The following SEL1L3 variants were observed in gnomAD, a reference collection of about 807,000 sequenced individuals.
SEL1L3 encodes protein sel-1 homolog 3.
A neutral mutation model predicts 142.8 loss-of-function variants in SEL1L3; 76 were observed. That is an observed-to-expected ratio of 0.53 (90% CI 0.44 to 0.64). The LOEUF (loss-of-function observed/expected upper bound fraction) is 0.64. Ranked by LOEUF, SEL1L3 falls within the 30% of genes least tolerant of loss-of-function variation. SEL1L3 has a pLI of 0.00. For synonymous variants in SEL1L3, 504 were observed against 519.6 expected (o/e 0.97, Z 0.41); for missense variants, 1,262 against 1,381.7 (o/e 0.91, Z 1.37).
At chr4:25,828,811 C>T (rs1715258985) in intron 6 of SEL1L3, among the ~76,000 whole-genome samples, 1 of 152,130 alleles carries the variant, frequency 6.6e-6, no homozygotes, top group Non-Finnish European at 1.5e-5. Context: ...CGGGACTCTG[C>T]GTATCCCCAG....
intron 23 of SEL1L3, chr4:25,756,240 C>A: frequency 1.0e-6 from 1 of 985,280 alleles, no homozygotes. Flanking sequence ...TGTAGCCGTC[C>A]GAGATGGTAA....
chr4:25,766,674 A>G lies in SEL1L3; in HGVS notation c.2845+851T>C, dbSNP rs147692907. Reference sequence around the variant, plus strand: ...GTGCCTGTGATGTTACCAGAGACCCAGAGCCTGGTGCTGAGATCAAAGAGG... The same window carrying G: ...GTGCCTGTGATGTTACCAGAGACCCGGAGCCTGGTGCTGAGATCAAAGAGG... On this transcript the variant is annotated intron_variant, in intron 19 of 23. Transcript: ENST00000399878. 2.0e-3 allele frequency among the ~76,000 whole-genome samples: 305 copies of G among 152,288 alleles called. 1 individual carries two copies. The highest frequency in any genetic ancestry group is 6.7e-3 in the African/African-American group (278 of 41,576).
At chr4:25,813,021 T>C (rs1363441321) in intron 9 of SEL1L3, among the ~76,000 whole-genome samples, 4 of 152,022 alleles carry the variant, frequency 2.6e-5, no homozygotes, top group Non-Finnish European at 5.9e-5. Flanking sequence ...CAAAAAAACA[T>C]ACAAACAAAC....
intron 23 of SEL1L3, among the ~76,000 whole-genome samples, chr4:25,754,260 C>G (rs1470804924): frequency 6.6e-6 from 1 of 151,498 alleles, no homozygotes. Context: ...TGAGATTGCA[C>G]CATTGCACTC....
At chr4:25,791,429 T>A (rs1380442350) in intron 11 of SEL1L3, among the ~76,000 whole-genome samples, 1 of 152,238 alleles carries the variant, frequency 6.6e-6, no homozygotes. Context: ...TTTTGATGTA[T>A]AAACTTTCAC....
At chr4:25,807,088 C>G (rs868076521) in intron 9 of SEL1L3, among the ~76,000 whole-genome samples, 5 of 152,132 alleles carry the variant, frequency 3.3e-5, no homozygotes, top group South Asian at 4.1e-4. Flanking sequence ...GTCTGACTCT[C>G]GACTTTCTTT....
chr4:25,861,436 CCTT>C (rs1177617729), intron 1 of SEL1L3, among the ~76,000 whole-genome samples: 2 of 152,182 alleles, frequency 1.3e-5, no homozygotes, highest in Non-Finnish European at 2.9e-5. Flanking sequence ...CATTTTTACA[CCTT>C]CTTGCTTCAA....
At chr4:25,862,605 C>A in intron 1 of SEL1L3, 70 bp downstream of exon 1, 1 of 877,002 alleles carries the variant, frequency 1.1e-6, no homozygotes. Context: ...GCGGGTGTCC[C>A]CGGCCGCCCC....
At chr4:25,741,441 G>T in the SEL1L3 span, among the ~76,000 whole-genome samples, 1 of 152,158 alleles carries the variant, frequency 6.6e-6, no homozygotes, top group African/African-American at 2.4e-5. Flanking sequence ...GGAGTGAAGT[G>T]ACATCTTTGT....
At chr4:25,835,360 CA>C (rs1715751728) in intron 2 of SEL1L3, 37 bp from the exon 3 acceptor site, 3 of 1,607,514 alleles carry the variant, frequency 1.9e-6, no homozygotes, top group Non-Finnish European at 1.7e-6. Flanking sequence ...CAATTATATC[CA>C]GAAAAACATT....
chr4:25,852,872 A>C (rs887873882), intron 1 of SEL1L3, among the ~76,000 whole-genome samples: 2 of 152,172 alleles, frequency 1.3e-5, no homozygotes, highest in Non-Finnish European at 2.9e-5. Context: ...TGATGCTAGG[A>C]TCTCCAGTGA....
intron 6 of SEL1L3, among the ~76,000 whole-genome samples, chr4:25,824,996 A>C (rs910575057): frequency 7.2e-5 from 11 of 152,114 alleles, no homozygotes; most frequent in African/African-American, 2.7e-4. Flanking sequence ...AGTGTGAAAA[A>C]AGCCCACAGC....
chr4:25,829,200 T>C (rs1715281422), intron 6 of SEL1L3, among the ~76,000 whole-genome samples: 2 of 152,306 alleles, frequency 1.3e-5, no homozygotes, highest in Non-Finnish European at 2.9e-5. Flanking sequence ...CTCAAACTCA[T>C]AGCCTCAAGT....
At chr4:25,739,769 T>C in the SEL1L3 span, among the ~76,000 whole-genome samples, 1 of 127,642 alleles carries the variant, frequency 7.8e-6, no homozygotes, top group African/African-American at 3.4e-5. Context: ...AATGTGTGTG[T>C]GTGTGTGTGT....
intron 16 of SEL1L3, 124 bp from the exon 17 acceptor site, chr4:25,776,484 A>C: frequency 1.5e-6 from 1 of 646,528 alleles, no homozygotes; most frequent in Admixed American, 2.6e-5. Flanking sequence ...TTTATAGAGC[A>C]ACAAACCAGA....
chr4:25,727,456 A>G, the SEL1L3 span, among the ~76,000 whole-genome samples: 1 of 152,206 alleles, frequency 6.6e-6, no homozygotes, highest in Admixed American at 6.5e-5. Context: ...AATGTAGCCC[A>G]TCGCACTCTT....
In SEL1L3 at chr4:25,821,983, C is replaced by A; in HGVS notation, c.1290+13G>T. ...CCAGGAGTACCGCAATCTTCCTGAT[C>A]CCCTGGACTCACCTGGGCGGGGTGC... On this transcript the variant is annotated intron_variant, in intron 7 of 23. Coordinates refer to ENST00000399878, the MANE Select transcript of SEL1L3 (RefSeq NM_015187.5). 6.2e-7 allele frequency: 1 copy of A among 1,611,780 alleles called. No homozygotes were observed. Among genetic ancestry groups the A allele is most frequent in the East Asian group, 2.2e-5 (1 of 44,796 alleles).
chr4:25,750,837 AG>A (rs1475081595), intron 23 of SEL1L3, among the ~76,000 whole-genome samples: 2 of 152,370 alleles, frequency 1.3e-5, no homozygotes, highest in African/African-American at 4.8e-5. Context: ...TCTTTTTAAA[AG>A]AACATTAGGC....
chr4:25,715,583 A>G, the SEL1L3 span, among the ~76,000 whole-genome samples: 1 of 152,126 alleles, frequency 6.6e-6, no homozygotes, highest in Admixed American at 6.5e-5. Context: ...TTTTCCCTAG[A>G]CATCTACACA....
Sources: allele counts gnomAD v4.1 joint callset (sites outside exome capture counted in the v4.1 genomes callset), GRCh38; gene constraint gnomAD v4.1.1; transcripts MANE v1.5; gene names NCBI Gene and HGNC (gene_info 2026-07-23, HGNC 2026-07-21).